Variants in ATP11A observed in about 807,000 individuals in gnomAD.
ATP11A encodes the protein ATPase phospholipid transporting 11A.
In ATP11A, 81 loss-of-function variants were observed where a neutral mutation model predicts 154.4. The ratio of observed to expected loss-of-function variants is 0.52; its 90% CI spans 0.44 to 0.63. The LOEUF is 0.63. ATP11A is among the 30% of genes least tolerant of loss of function. ATP11A has a pLI of 0.00. For synonymous variants in ATP11A, 623 were observed against 585.9 expected (o/e 1.06, Z -0.91); for missense variants, 1,316 against 1,474.3 (o/e 0.89, Z 1.76).
chr13:112,775,053 T>C (rs1261029675), intron 1 of ATP11A, among the ~76,000 whole-genome samples: 3 of 152,258 alleles, frequency 2.0e-5, no homozygotes, highest in African/African-American at 7.2e-5. Context: ...GGATGTGGCG[T>C]CTGAGGGACA....
intron 5 of ATP11A, among the ~76,000 whole-genome samples, chr13:112,813,382 G>C (rs1164885825): frequency 1.3e-5 from 2 of 152,114 alleles, no homozygotes; most frequent in African/African-American, 4.8e-5. Flanking sequence ...TGACCTTTTG[G>C]GGTTGGCTGT....
chr13:112,798,322 G>T (rs1464851276), intron 2 of ATP11A, among the ~76,000 whole-genome samples: 1 of 152,124 alleles, frequency 6.6e-6, no homozygotes, highest in African/African-American at 2.4e-5. Context: ...TTTTAGAGAC[G>T]TGATCTCACC....
At chr13:112,780,656 T>C (rs962880060) in intron 1 of ATP11A, among the ~76,000 whole-genome samples, 2 of 152,212 alleles carry the variant, frequency 1.3e-5, no homozygotes, top group African/African-American at 2.4e-5. Flanking sequence ...TTGTGTCCTA[T>C]GGTCAGTCAC....
At position 112,807,191 on chromosome 13, in the gene ATP11A, C is replaced by A. The variant is rs1003371266; in HGVS notation, c.333+898C>A. On this transcript the variant is annotated intron_variant, in intron 4 of 29. Coordinates refer to ENST00000375645, the MANE Select transcript of ATP11A (RefSeq NM_015205.3). The surrounding 1 kb of genome is among the most constrained non-coding windows in gnomAD (Gnocchi z 4.5). Reference sequence around the variant, plus strand: ...CCACGGGCCGCCGGCAGGAGCGTGGCGGAGCCACCAAGCACAGCAGTTGGC... The same window carrying A: ...CCACGGGCCGCCGGCAGGAGCGTGGAGGAGCCACCAAGCACAGCAGTTGGC... Among the ~76,000 whole-genome samples, 12 of 152,196 alleles carry A rather than the reference C, an allele frequency of 7.9e-5. No individual in the cohort carries two copies. The highest frequency in any genetic ancestry group is 2.9e-4 in the African/African-American group (12 of 41,440).
intron 17 of ATP11A, among the ~76,000 whole-genome samples, chr13:112,848,813 G>A (rs571150605): frequency 1.1e-3 from 172 of 152,228 alleles, no homozygotes; most frequent in Admixed American, 8.1e-3. Context: ...TCAGCCTCCC[G>A]AGTAACTGGG....
chr13:112,695,834 CAAT>C (rs1276716266), intron 1 of ATP11A, among the ~76,000 whole-genome samples: 1 of 152,134 alleles, frequency 6.6e-6, no homozygotes, highest in African/African-American at 2.4e-5. Context: ...CCAGACTTAT[CAAT>C]GTTTTTTTAA....
At chr13:112,866,910 A>G (rs1199107542) in intron 25 of ATP11A, among the ~76,000 whole-genome samples, 1 of 152,108 alleles carries the variant, frequency 6.6e-6, no homozygotes, top group East Asian at 1.9e-4. Context: ...GTTTTCTAGA[A>G]CTTATTCTTT....
intron 12 of ATP11A, among the ~76,000 whole-genome samples, chr13:112,828,574 G>A (rs1364046914): frequency 6.6e-6 from 1 of 151,388 alleles, no homozygotes; most frequent in Non-Finnish European, 1.5e-5. Flanking sequence ...TTGAGTGCGG[G>A]GGAAAGTGCC....
intron 1 of ATP11A, among the ~76,000 whole-genome samples, chr13:112,768,574 G>A (rs1055744573): frequency 1.3e-5 from 2 of 152,168 alleles, no homozygotes; most frequent in African/African-American, 2.4e-5. Flanking sequence ...CAATGCATTC[G>A]TTGTCTCGGC....
At chr13:112,871,092 G>C (rs1283739622) in intron 25 of ATP11A, among the ~76,000 whole-genome samples, 2 of 152,204 alleles carry the variant, frequency 1.3e-5, no homozygotes, top group Non-Finnish European at 1.5e-5. Flanking sequence ...TCTCTGTCCT[G>C]AGGGAGGTTC....
intron 26 of ATP11A, 54 bp from the exon 27 acceptor site, chr13:112,873,519 T>C (rs932399673): frequency 1.2e-5 from 16 of 1,384,468 alleles, no homozygotes; most frequent in Middle Eastern, 1.8e-4. Flanking sequence ...CCCATCACGA[T>C]CATTCTCACT....
At chr13:112,830,427 T>G (rs1277669937) in intron 12 of ATP11A, among the ~76,000 whole-genome samples, 1 of 151,938 alleles carries the variant, frequency 6.6e-6, no homozygotes, top group African/African-American at 2.4e-5. Flanking sequence ...AATACAAAAA[T>G]TAGCCAGACG....
chr13:112,810,371 G>A (rs373737378), intron 4 of ATP11A, among the ~76,000 whole-genome samples: 11 of 152,224 alleles, frequency 7.2e-5, no homozygotes, highest in African/African-American at 2.4e-4. Context: ...ACTTCGATGA[G>A]CATCTTTCTC....
intron 25 of ATP11A, among the ~76,000 whole-genome samples, chr13:112,870,576 A>T (rs925563769): frequency 3.9e-5 from 6 of 152,132 alleles, no homozygotes; most frequent in Admixed American, 2.6e-4. Flanking sequence ...ACGGGGTTTC[A>T]CCATGTTGGC....
At chr13:112,711,852 CCT>C (rs1293212093) in intron 1 of ATP11A, among the ~76,000 whole-genome samples, 1 of 152,246 alleles carries the variant, frequency 6.6e-6, no homozygotes. Flanking sequence ...CCTCTCCCAG[CCT>C]CTCTGCCTTC....
chr13:112,818,282 T>C (rs2078702454), intron 6 of ATP11A, among the ~76,000 whole-genome samples: 1 of 150,686 alleles, frequency 6.6e-6, no homozygotes, highest in Non-Finnish European at 1.5e-5. Flanking sequence ...GTTGGTGCGC[T>C]TGGTGACAGG....
At chr13:112,860,590 T>C (rs1011261005) in intron 24 of ATP11A, 176 bp downstream of exon 24, 3 of 676,106 alleles carry the variant, frequency 4.4e-6, no homozygotes, top group African/African-American at 3.6e-5. Context: ...ATAGCTCAAA[T>C]GGAGATTCTT....
intron 2 of ATP11A, among the ~76,000 whole-genome samples, chr13:112,790,169 T>C (rs4907546): frequency 1.2e-4 from 8 of 69,196 alleles, no homozygotes; most frequent in Non-Finnish European, 2.9e-4. Flanking sequence ...GGCATCCTGA[T>C]GTGTAGACTC....
chr13:112,714,615 G>A (rs967867932), intron 1 of ATP11A, among the ~76,000 whole-genome samples: 1 of 152,200 alleles, frequency 6.6e-6, no homozygotes, highest in African/African-American at 2.4e-5. Context: ...GATGGAATAC[G>A]CGTTCTGCGT....
Sources: gnomAD v4.1 joint callset for allele counts (sites outside exome capture counted in the v4.1 genomes callset) on GRCh38, gnomAD v4.1.1 for gene constraint, Gnocchi (gnomAD v3.1) non-coding constraint, MANE v1.5 for transcripts, NCBI Gene and HGNC (gene_info 2026-07-23, HGNC 2026-07-21) for gene names.